ASAP2: variants seen among roughly 807,000 people sequenced by gnomAD.
ASAP2 encodes ArfGAP with SH3 domain, ankyrin repeat and PH domain 2, also known as arf-GAP with SH3 domain, ANK repeat and PH domain-containing protein 2.
A neutral mutation model predicts 131.4 loss-of-function variants in ASAP2; 45 were observed. The ratio of observed to expected loss-of-function variants is 0.34; its 90% CI spans 0.27 to 0.44. The LOEUF (loss-of-function observed/expected upper bound fraction) is 0.44. ASAP2 is among the 20% of genes least tolerant of loss of function. ASAP2 has a pLI of 1.00. For synonymous variants in ASAP2, 510 were observed against 503.0 expected, an observed-to-expected ratio of 1.01 and a Z score of -0.19; for missense variants, 1,011 against 1,297.0, an observed-to-expected ratio of 0.78 and a Z score of 3.39.
At chr2:9,322,792 C>T (rs1286796409) in intron 5 of ASAP2, among the ~76,000 whole-genome samples, 5 of 152,298 alleles carry the variant, frequency 3.3e-5, no homozygotes, top group South Asian at 2.1e-4. Context: ...AAGAGTCAGA[C>T]GGTGCCCTTG....
intron 20 of ASAP2, among the ~76,000 whole-genome samples, chr2:9,382,037 G>A (rs984447121): frequency 1.0e-4 from 14 of 140,004 alleles, no homozygotes; most frequent in Non-Finnish European, 1.8e-4. Flanking sequence ...AGGCTGGAGT[G>A]CAGTGACATG....
rs1269578467 is a variant in ASAP2, at chr2:9,217,772, G to A, written c.126+10542G>A. On this transcript the variant is annotated intron_variant, in intron 1 of 27. Coordinates refer to ENST00000281419, the MANE Select transcript of ASAP2 (RefSeq NM_003887.3). The surrounding 1 kb of genome is among the most constrained non-coding windows in gnomAD (Gnocchi z 4.0). The stretch of plus-strand genomic sequence containing the variant: ...TGGGACTACAGGCGCCTGCCACCAC[G>A]CCCGGCTAATTTTTGGTATTTTTAG... Among the ~76,000 whole-genome samples, 3 of 151,922 alleles carry A rather than the reference G, an allele frequency of 2.0e-5. No individual in the cohort carries two copies. The East Asian group carries it at 5.8e-4, about 29-fold the overall frequency.
intron 5 of ASAP2, among the ~76,000 whole-genome samples, chr2:9,322,225 GAC>G (rs1558330002): frequency 6.6e-6 from 1 of 152,250 alleles, no homozygotes; most frequent in East Asian, 1.9e-4. Context: ...CACAGTGCAG[GAC>G]ACACAGAGAA....
intron 1 of ASAP2, among the ~76,000 whole-genome samples, chr2:9,212,363 G>A (rs77739960): frequency 0.06 from 9,111 of 152,174 alleles, 485 homozygotes; most frequent in African/African-American, 0.14. Context: ...CTGTGGTGAG[G>A]GAGGGCCTTA....
chr2:9,286,592 T>C (rs955405612), intron 2 of ASAP2, among the ~76,000 whole-genome samples: 7 of 152,174 alleles, frequency 4.6e-5, no homozygotes, highest in Admixed American at 6.5e-5. Flanking sequence ...GCAGAGTTTC[T>C]GGAAAGCAGT....
intron 1 of ASAP2, among the ~76,000 whole-genome samples, chr2:9,234,371 C>T (rs1364830753): frequency 2.0e-5 from 3 of 152,270 alleles, no homozygotes; most frequent in African/African-American, 7.2e-5. Flanking sequence ...AACATTTAGC[C>T]AGAGCCTGTC....
chr2:9,398,184 C>T (rs374454994), intron 24 of ASAP2, among the ~76,000 whole-genome samples: 2 of 151,898 alleles, frequency 1.3e-5, no homozygotes, highest in East Asian at 3.9e-4. Flanking sequence ...ACCACAGTGG[C>T]AGAGTTGAAT....
At chr2:9,302,236 A>T (rs1465728395) in intron 3 of ASAP2, among the ~76,000 whole-genome samples, 1 of 134,364 alleles carries the variant, frequency 7.4e-6, no homozygotes, top group East Asian at 2.2e-4. Flanking sequence ...GCAGTGGTGC[A>T]GTCTTGGCTC....
Position 9,281,967 on chromosome 2 carries a change from T to G in ASAP2, c.199+2578T>G, listed in dbSNP as rs1667154532. Among the ~76,000 whole-genome samples, 1 of 152,150 alleles carries G rather than the reference T, an allele frequency of 6.6e-6. No homozygotes were observed. Among genetic ancestry groups the G allele is most frequent in the South Asian group, 2.1e-4 (1 of 4,826 alleles). On this transcript the variant is annotated intron_variant, in intron 2 of 27. Coordinates refer to ENST00000281419, the MANE Select transcript of ASAP2 (RefSeq NM_003887.3). This position sits in a 1 kb window ranked among gnomAD's most constrained non-coding sequence, Gnocchi z 4.0. The stretch of plus-strand genomic sequence containing the variant: ...TGCCCTTCTTTGAAATAACTTGCAG[T>G]TTTCCCCAGAGAGCCACGTTTTATG...
In ASAP2 at chr2:9,249,982, G is replaced by A. The variant is rs569592784; in HGVS notation, c.127-29335G>A. On this transcript the variant is annotated intron_variant, in intron 1 of 27. Transcript: ENST00000281419. ...GCCATGTGGAAGGAAGGCAGGGCTT[G>A]GGGTCAAATCTGGGTATACAACTCT... Among the ~76,000 whole-genome samples the A allele has an allele frequency of 7.9e-5, 12 of 152,322 alleles. No individual in the cohort carries two copies. The South Asian group carries it at 1.9e-3, about 24-fold the overall frequency.
chr2:9,245,941 T>G (rs1664307906), intron 1 of ASAP2, among the ~76,000 whole-genome samples: 1 of 152,188 alleles, frequency 6.6e-6, no homozygotes. Flanking sequence ...GCCCCACATT[T>G]GATTATATAA....
chr2:9,402,354 G>A (rs1209094233), intron 27 of ASAP2, among the ~76,000 whole-genome samples: 2 of 152,220 alleles, frequency 1.3e-5, no homozygotes, highest in African/African-American at 4.8e-5. Context: ...TGTGGCCTGG[G>A]CGCGGTGGCT....
rs918470461 is a variant in ASAP2, at chr2:9,392,796, A to T, written c.2519-686A>T. Among the ~76,000 whole-genome samples, 3 of 152,262 alleles carry T rather than the reference A, an allele frequency of 2.0e-5. No homozygotes were observed. The highest frequency in any genetic ancestry group is 4.4e-5 in the Non-Finnish European group (3 of 68,022). On this transcript the variant is annotated intron_variant, in intron 23 of 27. Coordinates refer to ENST00000281419, the MANE Select transcript of ASAP2 (RefSeq NM_003887.3). This position sits in a 1 kb window ranked among gnomAD's most constrained non-coding sequence, Gnocchi z 4.0. ...TTATGTGTTACCCATCCTGAGGCCC[A>T]GTATGATAAGCCCGACATTTAGAGA...
intron 7 of ASAP2, among the ~76,000 whole-genome samples, chr2:9,334,210 T>TG (rs1387898985): frequency 6.6e-6 from 1 of 150,456 alleles, no homozygotes; most frequent in Admixed American, 6.6e-5. Flanking sequence ...TGTTTTTTTT[T>TG]TTTTTGTATT....
chr2:9,323,780 CTG>C (rs1165935103), intron 6 of ASAP2, among the ~76,000 whole-genome samples: 3 of 152,220 alleles, frequency 2.0e-5, no homozygotes, highest in Non-Finnish European at 4.4e-5. Flanking sequence ...GAGCGCCTCT[CTG>C]CTCCACTCCA....
At chr2:9,374,989 G>A (rs777549129) in intron 17 of ASAP2, 45 bp downstream of exon 17, 20 of 1,444,988 alleles carry the variant, frequency 1.4e-5, no homozygotes, top group Admixed American at 9.0e-5. Flanking sequence ...AAAAAAGGCC[G>A]GCCACGGTGG....
intron 1 of ASAP2, among the ~76,000 whole-genome samples, chr2:9,227,102 T>A (rs1045870554): frequency 2.6e-5 from 4 of 152,190 alleles, no homozygotes; most frequent in Non-Finnish European, 5.9e-5. Flanking sequence ...GGAATCCTGC[T>A]CATCTGCCAT....
In ASAP2 at chr2:9,232,043, C is replaced by G. The variant is rs1011909512; in HGVS notation, c.126+24813C>G. 5.3e-5 allele frequency among the ~76,000 whole-genome samples: 8 copies of G among 152,200 alleles called. No individual in the cohort carries two copies. The highest frequency in any genetic ancestry group is 1.7e-4 in the African/African-American group (7 of 41,442). Reference sequence around the variant, plus strand: ...AGTGGGTGCCCCTGTCATTTGTCAGCCAGAGCATTCAACAGCCTCTGCTCC... The same window carrying G: ...AGTGGGTGCCCCTGTCATTTGTCAGGCAGAGCATTCAACAGCCTCTGCTCC... On this transcript the variant is annotated intron_variant, in intron 1 of 27. Transcript: ENST00000281419. This position sits in a 1 kb window ranked among gnomAD's most constrained non-coding sequence, Gnocchi z 4.1.
chr2:9,279,493 C>G, intron 2 of ASAP2, 104 bp downstream of exon 2: 1 of 1,038,294 alleles, frequency 9.6e-7, no homozygotes, highest in East Asian at 2.4e-5. Flanking sequence ...CAGCTAGACT[C>G]CTTTATCGGG....
Sources: allele counts gnomAD v4.1 joint callset (sites outside exome capture counted in the v4.1 genomes callset), GRCh38; gene constraint gnomAD v4.1.1; non-coding constraint Gnocchi (gnomAD v3.1); transcripts MANE v1.5; gene names NCBI Gene and HGNC (gene_info 2026-07-23, HGNC 2026-07-21).